ZFX: variants seen among roughly 807,000 people sequenced by gnomAD.
ZFX encodes the protein zinc finger X-chromosomal protein.
For missense variants in ZFX, 362 were observed against 628.3 expected (o/e 0.58, Z 4.53); for synonymous variants, 196 against 226.8 (o/e 0.86, Z 1.22).
chrX:24,179,243 T>C lies in ZFX; in HGVS notation c.119T>C (p.Phe40Ser), dbSNP rs375995174. ...QIVVEVQETV[F>S]VSDVVDSDIT... ...GTTGTGGAAGTACAAGAAACTGTTTTTGTTTCAGATGTTGTGGATTCAGAC... is the reference window on the plus strand; with the variant it reads ...GTTGTGGAAGTACAAGAAACTGTTTCTGTTTCAGATGTTGTGGATTCAGAC... Residue 40 changes from phenylalanine to serine, a missense_variant, in exon 5 of 10, where the codon TTT (phenylalanine) becomes TCT (serine). Transcript: ENST00000304543. 1 of 1,210,566 alleles carries C rather than the reference T, an allele frequency of 8.3e-7. No individual in the cohort carries two copies. Among genetic ancestry groups the C allele is most frequent in the Non-Finnish European group, 1.1e-6 (1 of 895,422 alleles).
Position 24,210,802 on chromosome X carries a change from C to T in ZFX, c.1844C>T (p.Ser615Leu), listed in dbSNP as rs776827619. 2.2e-5 allele frequency: 27 copies of T among 1,209,925 alleles called. No individual in the cohort carries two copies. In the South Asian group the frequency reaches 3.9e-4, roughly 17 times the overall value. The change falls in exon 10 of 10, where the codon TCG (serine) becomes TTG (leucine). Residue 615 changes from serine to leucine, a missense_variant. Ser to Leu is a moderately radical substitution (Grantham distance 145). Transcript: ENST00000304543. ...TGTGACATTTGTCTTCTGACTTTCTCGGATACCAAAGAGGTGCAGCAACAT... is the reference window on the plus strand; with the variant it reads ...TGTGACATTTGTCTTCTGACTTTCTTGGATACCAAAGAGGTGCAGCAACAT... ...FKCDICLLTF[S>L]DTKEVQQHAL...
chrX:24,159,659 G>GA lies in ZFX; in HGVS notation c.-29+6830dup, dbSNP rs200065866. ...TGGCTAATTTTTGTAGTTTTTAGTA[G>GA]AGATGGGTTTCACCATGTTGGCCAG... is the stretch of plus-strand genomic sequence containing the variant. On this transcript the variant is annotated intron_variant, in intron 3 of 9. Transcript: ENST00000304543. Among the ~76,000 whole-genome samples, 4,736 of 110,892 alleles carry GA rather than the reference G, an allele frequency of 0.043. 354 individuals are homozygous for GA. In the East Asian group the frequency reaches 0.48, roughly 11 times the overall value.
rs1014980755 is a variant in ZFX at position 24,212,197 on chromosome X, T to C, written c.*821T>C. On this transcript the variant is annotated 3_prime_UTR_variant, in exon 10 of 10. Coordinates refer to ENST00000304543, the MANE Select transcript of ZFX (RefSeq NM_003410.4). Reference sequence around the variant, plus strand: ...TAGAGGTAACTCATGGCTTATAGGATCTTTTGCAACTTTATGTATGTAAAT... The same window carrying C: ...TAGAGGTAACTCATGGCTTATAGGACCTTTTGCAACTTTATGTATGTAAAT... 7 of 112,243 alleles carry C rather than the reference T, an allele frequency of 6.2e-5. No homozygotes were observed. The highest frequency in any genetic ancestry group is 2.3e-4 in the African/African-American group (7 of 30,831). 9.3% of individuals were successfully genotyped at this position (112,243 alleles called of 1,213,427 possible). A position where few individuals can be genotyped will look rare whatever the true frequency, so the allele number is the denominator to read the frequency against.
In ZFX at chrX:24,167,410, T is replaced by C. The variant is rs1241098592; in HGVS notation, c.-28-5305T>C. Among the ~76,000 whole-genome samples, 3 of 111,083 alleles carry C rather than the reference T, an allele frequency of 2.7e-5. No homozygotes were observed. The East Asian group carries it at 8.4e-4, about 31-fold the overall frequency. ...TCTAGTCTGGACCCTCATCTACAAG[T>C]AGGAATAGACAACCAGGAAGAACCA... On this transcript the variant is annotated intron_variant, in intron 3 of 9. Transcript: ENST00000304543.
At chrX:24,169,275 A>C (rs1934329038) in intron 3 of ZFX, among the ~76,000 whole-genome samples, 1 of 111,874 alleles carries the variant, frequency 8.9e-6, no homozygotes, top group Non-Finnish European at 1.9e-5. Flanking sequence ...AATGCACGTG[A>C]TGTAAAAGGA....
intron 5 of ZFX, among the ~76,000 whole-genome samples, chrX:24,197,438 A>G (rs1226017746): frequency 1.8e-5 from 2 of 112,452 alleles, no homozygotes; most frequent in African/African-American, 6.5e-5. Context: ...CAACAATAAG[A>G]AAAAATGTAT....
chrX:24,206,543 G>A lies in ZFX; in HGVS notation c.647-783G>A, dbSNP rs1201634462. ...TGTGTGTGTGTGTGTGTGTGTGTGT[G>A]TGTGTGTATTTTTTTTTTTTTTGGT... On this transcript the variant is annotated intron_variant, in intron 5 of 9. Coordinates refer to ENST00000304543, the MANE Select transcript of ZFX (RefSeq NM_003410.4). Among the ~76,000 whole-genome samples the A allele has an allele frequency of 5.6e-4, 48 of 85,702 alleles. 1 individual carries two copies. Among genetic ancestry groups the A allele is most frequent in the African/African-American group, 2.3e-3 (46 of 20,365 alleles). 74.4% of individuals were successfully genotyped at this position (85,702 alleles called of 115,157 possible).
intron 5 of ZFX, among the ~76,000 whole-genome samples, chrX:24,186,550 G>A (rs1160410154): frequency 9.0e-6 from 1 of 111,040 alleles, no homozygotes; most frequent in African/African-American, 3.3e-5. Context: ...TTGAGCACAG[G>A]TGTTCGAGGT....
chrX:24,206,629 C>T (rs1243760881), intron 5 of ZFX, among the ~76,000 whole-genome samples: 1 of 106,412 alleles, frequency 9.4e-6, no homozygotes, highest in Admixed American at 1.0e-4. Flanking sequence ...TCAAGTGATC[C>T]ACCCACCTTG....
chrX:24,152,160 G>A (rs750711361), intron 2 of ZFX, among the ~76,000 whole-genome samples: 56 of 105,939 alleles, frequency 5.3e-4, no homozygotes, highest in African/African-American at 1.9e-3. Flanking sequence ...TTTTGAGACT[G>A]AATCTCACTC....
intron 5 of ZFX, among the ~76,000 whole-genome samples, chrX:24,201,825 CTTTAA>C (rs1254994344): frequency 8.9e-6 from 1 of 112,412 alleles, no homozygotes; most frequent in African/African-American, 3.2e-5. Flanking sequence ...AATCAAAATA[CTTTAA>C]TTTAGATAGT....
rs758785270 is a variant in ZFX at position 24,179,539 on chromosome X, A to G, written c.415A>G (p.Ile139Val). The G allele has an allele frequency of 6.6e-6, 8 of 1,210,909 alleles. No homozygotes were observed. Among genetic ancestry groups the G allele is most frequent in the Admixed American group, 4.4e-5 (2 of 45,820 alleles). ...AGAACACGTCTTGACGGGTGATTCT[A>G]TACATGTGTCTGACGTTGGACATGT... ...MPEHVLTGDSIHVSDVGHVGH... is the reference protein window; with the variant it reads ...MPEHVLTGDSVHVSDVGHVGH... Residue 139 changes from isoleucine to valine, a missense_variant, in exon 5 of 10, where the codon ATA becomes GTA. By Grantham distance (29) the Ile-to-Val change is conservative. Coordinates refer to ENST00000304543, the MANE Select transcript of ZFX (RefSeq NM_003410.4).
intron 4 of ZFX, 90 bp from the exon 5 acceptor site, chrX:24,179,093 C>A (rs1478424286): frequency 2.7e-5 from 21 of 781,546 alleles, no homozygotes; most frequent in East Asian, 6.3e-5. Context: ...AGGAGCTAAT[C>A]TGTTTTCCCA....
At chrX:24,160,707 G>C (rs1933206735) in intron 3 of ZFX, among the ~76,000 whole-genome samples, 1 of 111,586 alleles carries the variant, frequency 9.0e-6, no homozygotes. Flanking sequence ...TCATTTCTCT[G>C]TGTTGGGAAC....
chrX:24,173,591 GTTTT>G (rs1195149102), intron 4 of ZFX: 5 of 1,142,184 alleles, frequency 4.4e-6, no homozygotes, highest in Non-Finnish European at 5.8e-6. Context: ...TGCGTTTTGG[GTTTT>G]TTTGTTTTCA....
rs751646365 is a variant in ZFX at position 24,214,259 on chromosome X, A to G, written c.*2883A>G. 33 of 112,127 alleles carry G rather than the reference A, an allele frequency of 2.9e-4. No homozygotes were observed. The highest frequency in any genetic ancestry group is 5.6e-4 in the Non-Finnish European group (30 of 53,109). The allele number at this position is 112,127 out of a possible 1,213,427, so 9.2% of individuals were successfully genotyped here. ...AGTTATTGTTCTGTAGAAATATCCT[A>G]TTAAATATTGTATGTCCCTCCCTCT... On this transcript the variant is annotated 3_prime_UTR_variant, in exon 10 of 10. Coordinates refer to ENST00000304543, the MANE Select transcript of ZFX (RefSeq NM_003410.4).
intron 5 of ZFX, among the ~76,000 whole-genome samples, chrX:24,206,829 T>A (rs1937614058): frequency 9.0e-6 from 1 of 111,349 alleles, no homozygotes; most frequent in South Asian, 3.7e-4. Flanking sequence ...TAGTATTTTT[T>A]GCTTTAATAT....
intron 5 of ZFX, among the ~76,000 whole-genome samples, chrX:24,204,683 A>G (rs991977288): frequency 3.6e-5 from 4 of 111,820 alleles, no homozygotes; most frequent in African/African-American, 6.5e-5. Flanking sequence ...TTTAAACCCC[A>G]TGCTCCATAT....
At chrX:24,174,397 T>A (rs866891590) in intron 4 of ZFX, among the ~76,000 whole-genome samples, 23 of 36,800 alleles carry the variant, frequency 6.3e-4, no homozygotes, top group African/African-American at 1.4e-3. Flanking sequence ...TAAATTAAAA[T>A]TTTTTTTTTT....
Sources: gnomAD v4.1 joint callset for allele counts (sites outside exome capture counted in the v4.1 genomes callset) on GRCh38, gnomAD v4.1.1 for gene constraint, MANE v1.5 for transcripts, NCBI Gene and HGNC (gene_info 2026-07-23, HGNC 2026-07-21) for gene names.